Variants in PARD3 observed in about 807,000 individuals in gnomAD.
The protein encoded by PARD3 is partitioning defective 3 homolog.
Under a neutral mutation model 155.4 loss-of-function variants are expected in PARD3, and 75 were observed. The ratio of observed to expected loss-of-function variants is 0.48; its 90% CI spans 0.40 to 0.58. PARD3 has a LOEUF of 0.58. PARD3 is among the 20% of genes least tolerant of loss of function. PARD3 has a pLI of 0.00. For synonymous variants in PARD3, 576 were observed against 610.5 expected, an observed-to-expected ratio of 0.94 and a Z score of 0.83; for missense variants, 1,642 against 1,721.7, an observed-to-expected ratio of 0.95 and a Z score of 0.82.
intron 22 of PARD3, among the ~76,000 whole-genome samples, chr10:34,227,692 G>C (rs984651042): frequency 6.6e-6 from 1 of 151,394 alleles, no homozygotes; most frequent in Non-Finnish European, 1.5e-5. Context: ...GTGAGGTTGT[G>C]GAGAAAAGGG....
chr10:34,748,954 T>A (rs756644917), intron 1 of PARD3, among the ~76,000 whole-genome samples: 2 of 152,214 alleles, frequency 1.3e-5, no homozygotes, highest in East Asian at 1.9e-4. Flanking sequence ...CCCTTCACAG[T>A]GGATGTTATC....
At chr10:34,634,847 G>C (rs937641708) in intron 2 of PARD3, among the ~76,000 whole-genome samples, 2 of 152,130 alleles carry the variant, frequency 1.3e-5, no homozygotes, top group Non-Finnish European at 2.9e-5. Flanking sequence ...TGGAGTGCTG[G>C]GAACAAAAGG....
rs3040339 is a variant in PARD3, at chr10:34,411,732, C to CTAGATAGA, written c.715-9823_715-9816dup. Among the ~76,000 whole-genome samples the CTAGATAGA allele has an allele frequency of 3.4e-3, 505 of 148,216 alleles. 1 individual carries two copies. The highest frequency in any genetic ancestry group is 5.0e-3 in the African/African-American group (200 of 40,114). On this transcript the variant is annotated intron_variant, in intron 5 of 24. Transcript: ENST00000374788. ...TGTATATATCTAAAGACATACATAT[C>CTAGATAGA]TAGATAGATAGATAGATAGATAGAT...
rs1946326195 is a variant in PARD3 at position 34,110,014 on chromosome 10, A to G, written c.*1155T>C. ...CGAGATCCCCGAGACCCACACACAC[A>G]CTCTAATACTGACGCGAGAGTGAGC... On this transcript the variant is annotated 3_prime_UTR_variant, in exon 25 of 25. Transcript: ENST00000374788. The G allele has an allele frequency of 6.6e-6, 1 of 151,792 alleles. No individual in the cohort carries two copies. The highest frequency in any genetic ancestry group is 1.5e-5 in the Non-Finnish European group (1 of 67,936). The allele number at this position is 151,792 out of a possible 1,614,324, so 9.4% of individuals were successfully genotyped here. A position where few individuals can be genotyped will look rare whatever the true frequency, so the allele number is the denominator to read the frequency against.
At chr10:34,409,879 C>T (rs1383517555) in intron 5 of PARD3, among the ~76,000 whole-genome samples, 1 of 152,060 alleles carries the variant, frequency 6.6e-6, no homozygotes, top group Non-Finnish European at 1.5e-5. Flanking sequence ...AAGTATTAAA[C>T]ATGTTATATT....
chr10:34,590,442 C>T (rs998383510), intron 2 of PARD3, among the ~76,000 whole-genome samples: 3 of 152,194 alleles, frequency 2.0e-5, no homozygotes, highest in Admixed American at 6.5e-5. Context: ...CATAAGCATT[C>T]ACTGAAAACT....
chr10:34,352,975 G>A (rs1316708821), intron 14 of PARD3, among the ~76,000 whole-genome samples: 2 of 128,878 alleles, frequency 1.6e-5, no homozygotes, highest in Non-Finnish European at 3.8e-5. Context: ...TGGGATGTGA[G>A]GAGTGTCTCT....
intron 22 of PARD3, among the ~76,000 whole-genome samples, chr10:34,203,959 C>T (rs1020248994): frequency 6.6e-6 from 1 of 152,296 alleles, no homozygotes; most frequent in East Asian, 1.9e-4. Flanking sequence ...CTCAAAGACG[C>T]CTCTCATGTT....
chr10:34,600,574 G>T (rs1237500298), intron 2 of PARD3, among the ~76,000 whole-genome samples: 1 of 152,118 alleles, frequency 6.6e-6, no homozygotes, highest in Non-Finnish European at 1.5e-5. Flanking sequence ...TTAAGCCAAG[G>T]AAAGGGAGGT....
chr10:34,737,652 C>A (rs561318445), intron 1 of PARD3, among the ~76,000 whole-genome samples: 1 of 152,304 alleles, frequency 6.6e-6, no homozygotes, highest in Non-Finnish European at 1.5e-5. Flanking sequence ...TCGGCTCCCC[C>A]ACCACGTGAG....
chr10:34,333,853 G>T (rs1048809025), intron 18 of PARD3, among the ~76,000 whole-genome samples: 2 of 151,878 alleles, frequency 1.3e-5, no homozygotes, highest in African/African-American at 4.8e-5. Context: ...ATTTGACCAA[G>T]AAACTATAAC....
intron 22 of PARD3, among the ~76,000 whole-genome samples, chr10:34,243,187 T>C (rs976071252): frequency 2.0e-5 from 3 of 152,182 alleles, no homozygotes; most frequent in Admixed American, 1.3e-4. Context: ...CATTATGAAA[T>C]ACTACTGCCA....
chr10:34,614,830 A>T (rs1372872217), intron 2 of PARD3, among the ~76,000 whole-genome samples: 1 of 152,190 alleles, frequency 6.6e-6, no homozygotes, highest in Non-Finnish European at 1.5e-5. Context: ...AAATAGCCAA[A>T]GTGACACTAA....
At chr10:34,237,101 G>A (rs1278115267) in intron 22 of PARD3, among the ~76,000 whole-genome samples, 1 of 152,196 alleles carries the variant, frequency 6.6e-6, no homozygotes, top group African/African-American at 2.4e-5. Flanking sequence ...GCTGGGTTGT[G>A]AGAATGAGCA....
intron 22 of PARD3, among the ~76,000 whole-genome samples, chr10:34,225,401 A>G (rs889888073): frequency 2.0e-5 from 3 of 151,208 alleles, no homozygotes; most frequent in Non-Finnish European, 2.9e-5. Flanking sequence ...GCTGGAGTGC[A>G]GTGGCATGAT....
intron 19 of PARD3, among the ~76,000 whole-genome samples, chr10:34,318,954 T>C (rs1483614461): frequency 6.7e-6 from 1 of 150,364 alleles, no homozygotes; most frequent in African/African-American, 2.5e-5. Flanking sequence ...TTTAGTAGTT[T>C]TGTATTTTTA....
chr10:34,301,340 A>G (rs1379324837), intron 20 of PARD3, among the ~76,000 whole-genome samples: 8 of 152,190 alleles, frequency 5.3e-5, no homozygotes, highest in Non-Finnish European at 1.2e-4. Context: ...TGTTGACCAC[A>G]TCATTCTAAT....
intron 23 of PARD3, among the ~76,000 whole-genome samples, chr10:34,120,534 A>G (rs966394920): frequency 6.6e-5 from 10 of 152,158 alleles, no homozygotes; most frequent in Admixed American, 5.2e-4. Context: ...GGGTAGGTAT[A>G]TATTTTAGTT....
At chr10:34,408,650 C>A (rs1360140411) in intron 5 of PARD3, among the ~76,000 whole-genome samples, 1 of 151,992 alleles carries the variant, frequency 6.6e-6, no homozygotes, top group Non-Finnish European at 1.5e-5. Flanking sequence ...ATATGGAAAA[C>A]AATTGAAAAC....
Sources: gnomAD v4.1 joint callset for allele counts (sites outside exome capture counted in the v4.1 genomes callset) on GRCh38, gnomAD v4.1.1 for gene constraint, MANE v1.5 for transcripts, NCBI Gene and HGNC (gene_info 2026-07-23, HGNC 2026-07-21) for gene names.